Variants in KCNJ3 observed in about 807,000 individuals in gnomAD.
KCNJ3 encodes the protein G protein-activated inward rectifier potassium channel 1.
Under a neutral mutation model 39.2 loss-of-function variants are expected in KCNJ3, and 4 were observed. That is an observed-to-expected ratio of 0.10 (90% CI 0.05 to 0.23). KCNJ3 has a LOEUF of 0.23. KCNJ3 is among the 10% of genes least tolerant of loss of function. The pLI is 1.00. For missense variants in KCNJ3, 276 were observed against 634.9 expected (o/e 0.43, Z 6.08); for synonymous variants, 230 against 237.4 (o/e 0.97, Z 0.29).
At position 154,743,331 on chromosome 2, in the gene KCNJ3, G is replaced by A. The variant is rs1392226199; in HGVS notation, c.919+33512G>A. On this transcript the variant is annotated intron_variant, in intron 2 of 2. Transcript: ENST00000295101. The stretch of plus-strand genomic sequence containing the variant: ...CCATCAATTGTTTTGGCTATTTGGG[G>A]TCTCTTGAAATTCCAAATGAATTTT... Among the ~76,000 whole-genome samples, 5 of 151,782 alleles carry A rather than the reference G, an allele frequency of 3.3e-5. No individual in the cohort carries two copies. In the East Asian group the frequency reaches 9.7e-4, roughly 29 times the overall value.
intron 2 of KCNJ3, among the ~76,000 whole-genome samples, chr2:154,850,805 T>C (rs1410269210): frequency 1.3e-5 from 2 of 152,182 alleles, no homozygotes; most frequent in Non-Finnish European, 1.5e-5. Context: ...AGCCTTTTAA[T>C]ACACCCCATA....
At chr2:154,718,736 A>G (rs1475927580) in intron 2 of KCNJ3, among the ~76,000 whole-genome samples, 1 of 152,164 alleles carries the variant, frequency 6.6e-6, no homozygotes, top group Non-Finnish European at 1.5e-5. Context: ...TTTTCATTGC[A>G]GTGTTTTATA....
chr2:154,719,083 A>G (rs192338302), intron 2 of KCNJ3, among the ~76,000 whole-genome samples: 18 of 152,278 alleles, frequency 1.2e-4, no homozygotes, highest in Admixed American at 6.5e-4. Flanking sequence ...TACCTGTATC[A>G]TAATCTCATG....
At chr2:154,800,180 G>A (rs185055249) in intron 2 of KCNJ3, among the ~76,000 whole-genome samples, 4 of 152,250 alleles carry the variant, frequency 2.6e-5, no homozygotes, top group Admixed American at 2.6e-4. Flanking sequence ...GACTTATTTT[G>A]ATTTATAGGT....
intron 2 of KCNJ3, among the ~76,000 whole-genome samples, chr2:154,828,240 C>G (rs1687303099): frequency 6.6e-6 from 1 of 152,140 alleles, no homozygotes; most frequent in Non-Finnish European, 1.5e-5. Flanking sequence ...TGATGAGAGC[C>G]ATCATATGAA....
intron 2 of KCNJ3, among the ~76,000 whole-genome samples, chr2:154,801,066 T>G (rs1211042879): frequency 3.3e-5 from 5 of 152,188 alleles, no homozygotes; most frequent in Admixed American, 1.3e-4. Flanking sequence ...GCAGGTACAG[T>G]GTAGTATTAA....
At chr2:154,850,483 C>T (rs1687740566) in intron 2 of KCNJ3, among the ~76,000 whole-genome samples, 1 of 152,186 alleles carries the variant, frequency 6.6e-6, no homozygotes, top group Admixed American at 6.5e-5. Flanking sequence ...AAGAAGTACT[C>T]TCTCAATTAT....
chr2:154,805,178 G>GA (rs944599228), intron 2 of KCNJ3, among the ~76,000 whole-genome samples: 7 of 151,756 alleles, frequency 4.6e-5, no homozygotes, highest in South Asian at 4.2e-4. Context: ...AAATATTACA[G>GA]AAAAAAAACA....
chr2:154,753,510 C>T (rs1218476321), intron 2 of KCNJ3, among the ~76,000 whole-genome samples: 1 of 152,114 alleles, frequency 6.6e-6, no homozygotes, highest in Non-Finnish European at 1.5e-5. Flanking sequence ...ACTCAAGTTT[C>T]AATTTTCAGT....
intron 2 of KCNJ3, among the ~76,000 whole-genome samples, chr2:154,837,433 A>G (rs1216604435): frequency 6.6e-6 from 1 of 152,188 alleles, no homozygotes; most frequent in Non-Finnish European, 1.5e-5. Flanking sequence ...AATAATCCAG[A>G]TTGAAATGTA....
At position 154,851,095 on chromosome 2, in the gene KCNJ3, A is replaced by C. The variant is rs763692766; in HGVS notation, c.920-3632A>C. On this transcript the variant is annotated intron_variant, in intron 2 of 2. Coordinates refer to ENST00000295101, the MANE Select transcript of KCNJ3 (RefSeq NM_002239.4). ...CCATCTCTACAAAAAATTGAAAATT[A>C]GCCAGACTTGGTGGCTCGTACCTGT... Among the ~76,000 whole-genome samples, 4 of 152,172 alleles carry C rather than the reference A, an allele frequency of 2.6e-5. No individual in the cohort carries two copies. In the South Asian group the frequency reaches 8.3e-4, roughly 32 times the overall value.
chr2:154,753,973 T>C (rs1242145368), intron 2 of KCNJ3, among the ~76,000 whole-genome samples: 1 of 152,138 alleles, frequency 6.6e-6, no homozygotes, highest in Non-Finnish European at 1.5e-5. Context: ...AAACAGAAAA[T>C]TAGCATTGAC....
intron 2 of KCNJ3, among the ~76,000 whole-genome samples, chr2:154,778,021 C>G (rs759576131): frequency 6.6e-6 from 1 of 152,064 alleles, no homozygotes; most frequent in Non-Finnish European, 1.5e-5. Flanking sequence ...TTAATTTATT[C>G]TCTCCTAATT....
chr2:154,804,864 G>C (rs1224686209), intron 2 of KCNJ3, among the ~76,000 whole-genome samples: 1 of 152,132 alleles, frequency 6.6e-6, no homozygotes, highest in Non-Finnish European at 1.5e-5. Flanking sequence ...ATAGTCTACA[G>C]TAAGAATTAC....
At chr2:154,729,455 G>T (rs763257573) in intron 2 of KCNJ3, among the ~76,000 whole-genome samples, 1 of 152,134 alleles carries the variant, frequency 6.6e-6, no homozygotes, top group African/African-American at 2.4e-5. Flanking sequence ...CTATGAACCT[G>T]AATATAGTAG....
rs1387103028 is a variant in KCNJ3 at position 154,857,616 on chromosome 2, C to T, written c.*2303C>T. ...TGAAAACAGGCCTGACTCAGTGGCTCACGCCTGTAATCCCAGTACTTTGGG... is the reference window on the plus strand; with the variant it reads ...TGAAAACAGGCCTGACTCAGTGGCTTACGCCTGTAATCCCAGTACTTTGGG... On this transcript the variant is annotated 3_prime_UTR_variant, in exon 3 of 3. Transcript: ENST00000295101. The T allele has an allele frequency of 1.3e-5, 2 of 152,118 alleles. No individual in the cohort carries two copies. Among genetic ancestry groups the T allele is most frequent in the African/African-American group, 2.4e-5 (1 of 41,368 alleles). The allele number at this position is 152,118 out of a possible 1,614,324, so 9.4% of individuals were successfully genotyped here.
intron 2 of KCNJ3, among the ~76,000 whole-genome samples, chr2:154,806,316 G>A (rs961905146): frequency 1.3e-5 from 2 of 152,142 alleles, no homozygotes; most frequent in Admixed American, 1.3e-4. Context: ...AAGTACCAAT[G>A]GAGCAATGCA....
intron 1 of KCNJ3, chr2:154,709,327 CA>C: frequency 2.2e-6 from 1 of 458,586 alleles, no homozygotes; most frequent in South Asian, 2.3e-5. Context: ...TTTGTGCTAA[CA>C]ACCATTGTTG....
intron 2 of KCNJ3, among the ~76,000 whole-genome samples, chr2:154,827,356 A>G (rs760150065): frequency 9.9e-5 from 15 of 152,132 alleles, no homozygotes; most frequent in Non-Finnish European, 1.8e-4. Context: ...AGAACCTCTC[A>G]TTCCTTTTCA....
Sources: allele counts gnomAD v4.1 joint callset (sites outside exome capture counted in the v4.1 genomes callset), GRCh38; gene constraint gnomAD v4.1.1; transcripts MANE v1.5; gene names NCBI Gene and HGNC (gene_info 2026-07-23, HGNC 2026-07-21).